The following MACROD2 variants were observed in gnomAD, a reference collection of about 807,000 sequenced individuals.
MACROD2 encodes the protein ADP-ribose glycohydrolase MACROD2.
In MACROD2, 36 loss-of-function variants were observed where a neutral mutation model predicts 70.4. That is an observed-to-expected ratio of 0.51 (90% CI 0.39 to 0.68). The LOEUF (loss-of-function observed/expected upper bound fraction) is 0.68. MACROD2 is among the 30% of genes least tolerant of loss of function. The pLI is 0.00. For synonymous variants in MACROD2, 172 were observed against 178.8 expected, an observed-to-expected ratio of 0.96 and a Z score of 0.30; for missense variants, 496 against 538.4, an observed-to-expected ratio of 0.92 and a Z score of 0.78.
chr20:14,309,285 T>C (rs1412696407), intron 3 of MACROD2, among the ~76,000 whole-genome samples: 1 of 152,162 alleles, frequency 6.6e-6, no homozygotes, highest in African/African-American at 2.4e-5. Flanking sequence ...ACTTAGACCC[T>C]TCACGTAATT....
chr20:14,696,503 TG>T (rs574394142), intron 5 of MACROD2, among the ~76,000 whole-genome samples: 118 of 152,328 alleles, frequency 7.7e-4, no homozygotes, highest in African/African-American at 2.6e-3. Context: ...TATAAGCTGG[TG>T]TGTTTCCCAT....
intron 5 of MACROD2, among the ~76,000 whole-genome samples, chr20:15,089,111 A>T (rs902231025): frequency 1.3e-5 from 2 of 152,176 alleles, no homozygotes; most frequent in African/African-American, 4.8e-5. Flanking sequence ...TTGGTTGAAG[A>T]AGATAATCAT....
chr20:14,626,561 G>T (rs1320135819), intron 4 of MACROD2, among the ~76,000 whole-genome samples: 2 of 152,040 alleles, frequency 1.3e-5, no homozygotes, highest in Non-Finnish European at 2.9e-5. Flanking sequence ...AGAATTCCTG[G>T]TTCTAACACA....
intron 6 of MACROD2, among the ~76,000 whole-genome samples, chr20:15,269,086 C>A (rs2077322732): frequency 6.6e-6 from 1 of 152,194 alleles, no homozygotes; most frequent in African/African-American, 2.4e-5. Context: ...ACATGTGGTT[C>A]AGATGAGAGC....
At chr20:15,413,824 A>G (rs970005852) in intron 6 of MACROD2, among the ~76,000 whole-genome samples, 2 of 152,170 alleles carry the variant, frequency 1.3e-5, no homozygotes, top group Non-Finnish European at 2.9e-5. Context: ...TACAGCTCTC[A>G]ACCTAAGAAG....
At chr20:14,839,191 T>G (rs1263781972) in intron 5 of MACROD2, among the ~76,000 whole-genome samples, 4 of 152,088 alleles carry the variant, frequency 2.6e-5, no homozygotes, top group African/African-American at 9.7e-5. Context: ...GATAAGTAAG[T>G]GGCTAATGTC....
chr20:14,019,823 G>A (rs981774030), intron 2 of MACROD2, among the ~76,000 whole-genome samples: 5 of 152,184 alleles, frequency 3.3e-5, no homozygotes, highest in Non-Finnish European at 7.3e-5. Flanking sequence ...ACTTATAGGA[G>A]TAATTGGGGA....
intron 8 of MACROD2, among the ~76,000 whole-genome samples, chr20:15,514,109 T>G (rs1468921469): frequency 3.3e-5 from 5 of 152,208 alleles, no homozygotes; most frequent in Non-Finnish European, 7.3e-5. Flanking sequence ...TATTTTAAAC[T>G]GTGTTATTAC....
chr20:14,385,666 A>C lies in MACROD2; in HGVS notation c.272-107813A>C, dbSNP rs138346724. On this transcript the variant is annotated intron_variant, in intron 3 of 17. Coordinates refer to ENST00000684519, the MANE Select transcript of MACROD2 (RefSeq NM_001351661.2). The stretch of plus-strand genomic sequence containing the variant: ...CTTGCAGAAGCCAATTTTTAAGTGC[A>C]TGTGTTTCTTTTCCATGTTGACCTC... Among the ~76,000 whole-genome samples, 41 of 152,160 alleles carry C rather than the reference A, an allele frequency of 2.7e-4. 1 individual carries two copies. Among genetic ancestry groups the C allele is most frequent in the Non-Finnish European group, 5.3e-4 (36 of 68,024 alleles).
intron 5 of MACROD2, among the ~76,000 whole-genome samples, chr20:15,125,834 A>C (rs1280518695): frequency 6.6e-6 from 1 of 151,776 alleles, no homozygotes; most frequent in Non-Finnish European, 1.5e-5. Flanking sequence ...AGACCCATTC[A>C]TATTCATTCC....
At chr20:15,063,207 A>G (rs965242537) in intron 5 of MACROD2, among the ~76,000 whole-genome samples, 2 of 152,190 alleles carry the variant, frequency 1.3e-5, no homozygotes, top group African/African-American at 4.8e-5. Context: ...AGGCCCTCAA[A>G]GCAAGAAGCT....
chr20:14,963,957 G>T (rs2074607663), intron 5 of MACROD2, among the ~76,000 whole-genome samples: 1 of 152,100 alleles, frequency 6.6e-6, no homozygotes, highest in Non-Finnish European at 1.5e-5. Flanking sequence ...ATAAATTACA[G>T]TTTTTTGCAT....
intron 9 of MACROD2, among the ~76,000 whole-genome samples, chr20:15,866,519 T>C (rs1360170634): frequency 1.3e-5 from 2 of 152,194 alleles, no homozygotes; most frequent in Admixed American, 1.3e-4. Flanking sequence ...ACCCTATGTT[T>C]TAGGCATGAA....
intron 6 of MACROD2, among the ~76,000 whole-genome samples, chr20:15,428,735 A>T (rs993716495): frequency 5.9e-5 from 9 of 152,268 alleles, no homozygotes; most frequent in Admixed American, 3.9e-4. Context: ...GAAGCCTCCA[A>T]TGCCACATAC....
Position 15,838,731 on chromosome 20 carries a change from A to G in MACROD2, c.646-24014A>G, listed in dbSNP as rs77536049. On this transcript the variant is annotated intron_variant, in intron 8 of 17. Transcript: ENST00000684519. ...AGCAGCATAGGAAAATAAAAGTGAT[A>G]AGCATCATTTTTTGCATTCAAAGTT... 6.4e-3 allele frequency among the ~76,000 whole-genome samples: 968 copies of G among 152,298 alleles called. 12 individuals carry two copies. In the East Asian group the frequency reaches 0.077, roughly 12 times the overall value.
At chr20:15,976,285 A>G (rs1314677338) in intron 13 of MACROD2, among the ~76,000 whole-genome samples, 3 of 151,810 alleles carry the variant, frequency 2.0e-5, no homozygotes, top group African/African-American at 7.2e-5. Flanking sequence ...AGAAACAATC[A>G]TGTGATCTAT....
intron 6 of MACROD2, among the ~76,000 whole-genome samples, chr20:15,309,339 A>G (rs548407510): frequency 5.3e-4 from 80 of 152,264 alleles, no homozygotes; most frequent in African/African-American, 1.8e-3. Context: ...TCCTCTCTTC[A>G]TTCTCTCTTC....
At chr20:14,921,156 A>T (rs992580397) in intron 5 of MACROD2, among the ~76,000 whole-genome samples, 1 of 152,148 alleles carries the variant, frequency 6.6e-6, no homozygotes, top group Non-Finnish European at 1.5e-5. Flanking sequence ...GGATCTGTGT[A>T]TTGGGTGTTT....
intron 6 of MACROD2, among the ~76,000 whole-genome samples, chr20:15,425,590 A>T (rs1190426576): frequency 1.1e-4 from 16 of 152,228 alleles, no homozygotes; most frequent in Non-Finnish European, 2.1e-4. Context: ...AAGCAATTGA[A>T]AAATTCTAGA....
Sources: gnomAD v4.1 joint callset for allele counts (sites outside exome capture counted in the v4.1 genomes callset) on GRCh38, gnomAD v4.1.1 for gene constraint, MANE v1.5 for transcripts, NCBI Gene and HGNC (gene_info 2026-07-23, HGNC 2026-07-21) for gene names.